EHBP1: variants seen among roughly 807,000 people sequenced by gnomAD.
EHBP1 encodes EH domain-binding protein 1.
EHBP1 carries 55 observed loss-of-function variants against 144.0 expected under a neutral mutation model. The observed-to-expected ratio is 0.38, with a 90% CI of 0.31 to 0.48. The LOEUF is 0.48. Among genes scored for constraint, EHBP1 ranks in the 20% least tolerant of loss-of-function variants. EHBP1 has a pLI of 0.98. For missense variants in EHBP1, 1,200 were observed against 1,364.2 expected (o/e 0.88, Z 1.90); for synonymous variants, 469 against 472.7 (o/e 0.99, Z 0.10).
chr2:62,741,148 A>C (rs1293549992), intron 2 of EHBP1, among the ~76,000 whole-genome samples: 4 of 152,120 alleles, frequency 2.6e-5, no homozygotes, highest in African/African-American at 9.7e-5. Flanking sequence ...AATCCTGTCC[A>C]TTTAGATAGT....
At chr2:62,697,184 T>C (rs2034129902) in intron 1 of EHBP1, among the ~76,000 whole-genome samples, 1 of 152,244 alleles carries the variant, frequency 6.6e-6, no homozygotes, top group African/African-American at 2.4e-5. Context: ...GTTTTGCATA[T>C]TTGTAGTTAC....
chr2:62,707,387 C>G (rs1306097476), intron 2 of EHBP1, 92 bp downstream of exon 2: 1 of 888,890 alleles, frequency 1.1e-6, no homozygotes, highest in Admixed American at 1.9e-5. Context: ...ATTTACCTTT[C>G]TATAGTGCAC....
chr2:62,850,497 C>T (rs2048616084), intron 7 of EHBP1, among the ~76,000 whole-genome samples: 1 of 152,030 alleles, frequency 6.6e-6, no homozygotes, highest in Admixed American at 6.6e-5. Context: ...TTGCCTGCCC[C>T]TGATTTAGTT....
intron 15 of EHBP1, among the ~76,000 whole-genome samples, chr2:62,984,903 T>G (rs2059123656): frequency 6.6e-6 from 1 of 152,212 alleles, no homozygotes; most frequent in Non-Finnish European, 1.5e-5. Context: ...TGCCATTTCC[T>G]GGGTATCCCT....
At chr2:62,965,854 T>A (rs1237071208) in intron 14 of EHBP1, among the ~76,000 whole-genome samples, 1 of 152,206 alleles carries the variant, frequency 6.6e-6, no homozygotes, top group Non-Finnish European at 1.5e-5. Context: ...CAAATTGATA[T>A]TCTGATTTTT....
intron 10 of EHBP1, among the ~76,000 whole-genome samples, chr2:62,920,562 G>A (rs1161133827): frequency 6.6e-6 from 1 of 152,112 alleles, no homozygotes; most frequent in African/African-American, 2.4e-5. Flanking sequence ...TAGATAGGTG[G>A]GCAATTATAA....
chr2:62,880,140 C>G (rs2051277796), intron 10 of EHBP1, among the ~76,000 whole-genome samples: 1 of 151,976 alleles, frequency 6.6e-6, no homozygotes, highest in Admixed American at 6.6e-5. Context: ...CAAGTGGTGC[C>G]AGGTTAACTG....
chr2:62,840,795 A>G (rs1434802326), intron 7 of EHBP1, among the ~76,000 whole-genome samples: 2 of 151,836 alleles, frequency 1.3e-5, no homozygotes, highest in Admixed American at 6.6e-5. Flanking sequence ...ATGAGATATC[A>G]TCTCACACCA....
At chr2:62,810,920 T>C (rs781317179) in intron 5 of EHBP1, among the ~76,000 whole-genome samples, 1 of 152,222 alleles carries the variant, frequency 6.6e-6, no homozygotes, top group Non-Finnish European at 1.5e-5. Context: ...TGTAGTCAAC[T>C]GGAGGTTAGG....
intron 1 of EHBP1, among the ~76,000 whole-genome samples, chr2:62,698,135 T>A (rs759398136): frequency 3.9e-5 from 6 of 152,238 alleles, no homozygotes; most frequent in Non-Finnish European, 5.9e-5. Context: ...AGAAAGAGTG[T>A]TATTACAAGA....
intron 6 of EHBP1, among the ~76,000 whole-genome samples, chr2:62,829,939 T>C (rs2046678438): frequency 6.6e-6 from 1 of 150,798 alleles, no homozygotes; most frequent in Admixed American, 6.6e-5. Flanking sequence ...GGAGATTCCT[T>C]AAAGAGTTAA....
intron 5 of EHBP1, among the ~76,000 whole-genome samples, chr2:62,804,727 G>A (rs1016727022): frequency 2.0e-5 from 3 of 152,174 alleles, no homozygotes; most frequent in Non-Finnish European, 4.4e-5. Flanking sequence ...GTACTGGTCC[G>A]TGGCCTGTTA....
At chr2:62,784,000 C>G (rs970277320) in intron 5 of EHBP1, among the ~76,000 whole-genome samples, 4 of 152,198 alleles carry the variant, frequency 2.6e-5, no homozygotes, top group African/African-American at 9.6e-5. Flanking sequence ...TAAATCATCT[C>G]TTTCAAGTTC....
At chr2:62,803,716 A>G (rs1052600183) in intron 5 of EHBP1, among the ~76,000 whole-genome samples, 1 of 152,138 alleles carries the variant, frequency 6.6e-6, no homozygotes, top group African/African-American at 2.4e-5. Context: ...TCTTGCAGAT[A>G]TTTTCACCCT....
intron 19 of EHBP1, among the ~76,000 whole-genome samples, chr2:62,999,293 T>C (rs1335633948): frequency 6.6e-6 from 1 of 152,186 alleles, no homozygotes; most frequent in Non-Finnish European, 1.5e-5. Context: ...TTTATATACT[T>C]GTAGATACTG....
intron 10 of EHBP1, among the ~76,000 whole-genome samples, chr2:62,888,104 C>T (rs1441990284): frequency 6.6e-6 from 1 of 152,178 alleles, no homozygotes; most frequent in Non-Finnish European, 1.5e-5. Flanking sequence ...TAAGGAGGCA[C>T]ATTGTCTTAG....
At chr2:62,832,783 C>G (rs1369341510) in intron 7 of EHBP1, among the ~76,000 whole-genome samples, 2 of 152,224 alleles carry the variant, frequency 1.3e-5, no homozygotes, top group South Asian at 4.1e-4. Flanking sequence ...TGGGCCTCCT[C>G]GTTCCCTGGG....
intron 20 of EHBP1, 33 bp downstream of exon 20, chr2:63,037,667 C>T (rs371346201): frequency 1.5e-5 from 19 of 1,299,750 alleles, no homozygotes; most frequent in Non-Finnish European, 2.1e-5. Flanking sequence ...GTTTTGCCTA[C>T]AACATTGATA....
chr2:63,044,281 G>GC (rs2061832101), intron 21 of EHBP1: 1 of 127,258 alleles, frequency 7.9e-6, no homozygotes, highest in African/African-American at 3.0e-5. Flanking sequence ...AAAAAAAAAC[G>GC]CCCCCCATCC....
Sources: allele counts gnomAD v4.1 joint callset (sites outside exome capture counted in the v4.1 genomes callset), GRCh38; gene constraint gnomAD v4.1.1; transcripts MANE v1.5; gene names NCBI Gene and HGNC (gene_info 2026-07-23, HGNC 2026-07-21).